The following ARFGEF3 variants were observed in gnomAD, a reference collection of about 807,000 sequenced individuals.
The protein encoded by ARFGEF3 is ARFGEF family member 3, also known as brefeldin A-inhibited guanine nucleotide-exchange protein 3.
ARFGEF3 carries 96 observed loss-of-function variants against 221.7 expected under a neutral mutation model. The ratio of observed to expected loss-of-function variants is 0.43; its 90% CI spans 0.37 to 0.51. The LOEUF (loss-of-function observed/expected upper bound fraction) is 0.51, where lower values mean the gene tolerates loss of function less well. Ranked by LOEUF, ARFGEF3 falls within the 20% of genes least tolerant of loss-of-function variation. The pLI, the probability that ARFGEF3 is intolerant of heterozygous loss-of-function variation, is 0.00. For missense variants in ARFGEF3, 2,410 were observed against 2,789.9 expected (o/e 0.86, Z 3.07); for synonymous variants, 1,145 against 1,126.8 (o/e 1.02, Z -0.32).
rs1356595134 is a variant in ARFGEF3, at chr6:138,207,136, C to T, written c.219+13C>T. 4 of 1,602,432 alleles carry T rather than the reference C, an allele frequency of 2.5e-6. No individual in the cohort carries two copies. Among genetic ancestry groups the T allele is most frequent in the Non-Finnish European group, 3.4e-6 (4 of 1,172,612 alleles). On this transcript the variant is annotated intron_variant, in intron 3 of 33. Coordinates refer to ENST00000251691, the MANE Select transcript of ARFGEF3 (RefSeq NM_020340.5). The stretch of plus-strand genomic sequence containing the variant: ...GGCAGGGATGCAGGTATGGCTTTGA[C>T]TGAATGCAATGGGATGATAGAAATT...
chr6:138,162,445 G>A lies in ARFGEF3; in HGVS notation c.85+274G>A, dbSNP rs115254901. Among the ~76,000 whole-genome samples the A allele has an allele frequency of 1.5e-3, 229 of 152,336 alleles. No individual in the cohort carries two copies. Among genetic ancestry groups the A allele is most frequent in the African/African-American group, 5.2e-3 (217 of 41,584 alleles). ...GCCCCCTTCTCCTGGTCCCGGCGCT[G>A]GGGACGATGCTTCCCCATCGCCGAG... is the stretch of plus-strand genomic sequence containing the variant. On this transcript the variant is annotated intron_variant, in intron 1 of 33. Coordinates refer to ENST00000251691, the MANE Select transcript of ARFGEF3 (RefSeq NM_020340.5). This position sits in a 1 kb window ranked among gnomAD's most constrained non-coding sequence, Gnocchi z 4.7.
chr6:138,205,582 T>C, intron 2 of ARFGEF3, among the ~76,000 whole-genome samples: 1 of 152,184 alleles, frequency 6.6e-6, no homozygotes, highest in African/African-American at 2.4e-5. Flanking sequence ...CCTGCACTAA[T>C]TGAGTGCACT....
intron 28 of ARFGEF3, among the ~76,000 whole-genome samples, chr6:138,320,714 A>G (rs1583065904): frequency 6.6e-6 from 1 of 152,328 alleles, no homozygotes; most frequent in Non-Finnish European, 1.5e-5. Flanking sequence ...AAGAACACCA[A>G]TTGTGAAAGA....
intron 2 of ARFGEF3, among the ~76,000 whole-genome samples, chr6:138,185,600 A>C (rs1582999963): frequency 6.6e-6 from 1 of 152,226 alleles, no homozygotes; most frequent in Non-Finnish European, 1.5e-5. Flanking sequence ...GAAGTTTTAA[A>C]TTAAATGGTT....
chr6:138,274,432 AG>A (rs1421700528), intron 12 of ARFGEF3, among the ~76,000 whole-genome samples: 2 of 152,162 alleles, frequency 1.3e-5, no homozygotes, highest in East Asian at 3.9e-4. Context: ...ATCAGGGCTG[AG>A]ATACACTGCT....
chr6:138,301,925 T>A (rs1350268707), intron 22 of ARFGEF3, among the ~76,000 whole-genome samples: 1 of 152,032 alleles, frequency 6.6e-6, no homozygotes, highest in East Asian at 1.9e-4. Context: ...AGCAGACACA[T>A]GAGCGCCATG....
chr6:138,304,161 C>T (rs1562385991), intron 22 of ARFGEF3, among the ~76,000 whole-genome samples: 1 of 152,036 alleles, frequency 6.6e-6, no homozygotes, highest in African/African-American at 2.4e-5. Context: ...AAATATTATT[C>T]TGCAATAAAA....
At chr6:138,207,259 T>A in intron 3 of ARFGEF3, 136 bp downstream of exon 3, 1 of 657,150 alleles carries the variant, frequency 1.5e-6, no homozygotes, top group Non-Finnish European at 2.7e-6. Flanking sequence ...AGGAAATAAC[T>A]ATAGAGAATA....
rs775689172 is a variant in ARFGEF3, at chr6:138,210,008, G to T, written c.318G>T (p.Ser106=). The change falls in exon 4 of 34, where the codon TCG becomes TCT. Residue 106 remains serine, a synonymous_variant. Coordinates refer to ENST00000251691, the MANE Select transcript of ARFGEF3 (RefSeq NM_020340.5). ...TGAATGCCGTGAAAGTGACGCCTTC[G>T]CTCAACGAGGACCTGCAGGTGGAAG... The part of the protein sequence containing the change: ...QILNAVKVTP[S]LNEDLQVEVM... The T allele has an allele frequency of 6.2e-7, 1 of 1,613,780 alleles. No homozygotes were observed. The highest frequency in any genetic ancestry group is 1.7e-5 in the Admixed American group (1 of 60,012).
intron 2 of ARFGEF3, among the ~76,000 whole-genome samples, chr6:138,196,553 G>GA (rs1777427186): frequency 6.6e-6 from 1 of 152,220 alleles, no homozygotes; most frequent in Non-Finnish European, 1.5e-5. Context: ...GTGAGTCCGT[G>GA]AGAGAGCAGT....
intron 9 of ARFGEF3, among the ~76,000 whole-genome samples, chr6:138,254,932 A>G (rs918367724): frequency 2.6e-5 from 4 of 152,144 alleles, no homozygotes; most frequent in Non-Finnish European, 5.9e-5. Flanking sequence ...AGAGATACTG[A>G]GCTTTACTCC....
intron 32 of ARFGEF3, among the ~76,000 whole-genome samples, chr6:138,329,925 A>G (rs1242643655): frequency 2.0e-5 from 3 of 152,086 alleles, no homozygotes; most frequent in Admixed American, 1.3e-4. Context: ...GAGTCAGCGA[A>G]GGGAGATAGG....
At chr6:138,242,260 G>C (rs1460585413) in intron 6 of ARFGEF3, among the ~76,000 whole-genome samples, 1 of 152,200 alleles carries the variant, frequency 6.6e-6, no homozygotes, top group Admixed American at 6.5e-5. Context: ...CACCTTCCTA[G>C]TCTCTTCTCA....
chr6:138,181,850 T>C (rs1316390548), intron 2 of ARFGEF3, among the ~76,000 whole-genome samples: 5 of 152,226 alleles, frequency 3.3e-5, no homozygotes, highest in African/African-American at 1.2e-4. Flanking sequence ...GTCCCAAATT[T>C]CCTGCTTTCG....
intron 4 of ARFGEF3, chr6:138,218,623 C>G (rs1777921087): frequency 1.2e-6 from 1 of 810,618 alleles, no homozygotes; most frequent in Admixed American, 3.8e-5. Context: ...ATTATTGTTT[C>G]AGATGTAGAG....
intron 7 of ARFGEF3, among the ~76,000 whole-genome samples, chr6:138,243,274 G>T (rs1316942551): frequency 6.6e-6 from 1 of 152,150 alleles, no homozygotes; most frequent in South Asian, 2.1e-4. Flanking sequence ...GGCTTTGTTA[G>T]TTACTTCATT....
rs191153062 is a variant in ARFGEF3 at position 138,210,284 on chromosome 6, G to C, written c.351+243G>C. On this transcript the variant is annotated intron_variant, in intron 4 of 33. Transcript: ENST00000251691. ...GTTCTGCATTAAAGGCCATTAGAAA[G>C]TGTATTTGTAATCTTTTAAGAGAAT... is the stretch of plus-strand genomic sequence containing the variant. Among the ~76,000 whole-genome samples, 198 of 152,328 alleles carry C rather than the reference G, an allele frequency of 1.3e-3. 1 individual carries two copies. The South Asian group carries it at 0.024, about 18-fold the overall frequency.
At chr6:138,186,793 G>T (rs1777192936) in intron 2 of ARFGEF3, among the ~76,000 whole-genome samples, 1 of 151,804 alleles carries the variant, frequency 6.6e-6, no homozygotes, top group African/African-American at 2.4e-5. Flanking sequence ...TCTGAGCCAG[G>T]ATAAAAGAAA....
Position 138,292,022 on chromosome 6 carries a change from G to T in ARFGEF3, c.3337G>T (p.Val1113Leu). ...CATGAGCGGGAGCAGCGCGGCCAAG[G>T]TGGTGCTCACCCTCTCCACGCAAGC... ...SLMSGSSAAK[V>L]VLTLSTQADR... is the part of the protein sequence containing the mutation. Residue 1113 changes from valine to leucine, a missense_variant, in exon 19 of 34, where the codon GTG becomes TTG. Transcript: ENST00000251691. The T allele has an allele frequency of 1.3e-6, 2 of 1,510,824 alleles. No homozygotes were observed. Among genetic ancestry groups the T allele is most frequent in the Non-Finnish European group, 1.8e-6 (2 of 1,134,850 alleles). 93.6% of individuals were successfully genotyped at this position (1,510,824 alleles called of 1,614,324 possible).
Sources: gnomAD v4.1 joint callset for allele counts (sites outside exome capture counted in the v4.1 genomes callset) on GRCh38, gnomAD v4.1.1 for gene constraint, Gnocchi (gnomAD v3.1) non-coding constraint, MANE v1.5 for transcripts, NCBI Gene and HGNC (gene_info 2026-07-23, HGNC 2026-07-21) for gene names.